Variants in AGR3 observed in about 807,000 individuals in gnomAD.
The protein encoded by AGR3 is anterior gradient 3, protein disulphide isomerase family member.
Under a neutral mutation model 24.5 loss-of-function variants are expected in AGR3, and 37 were observed. That is an observed-to-expected ratio of 1.51 (90% CI 1.16 to 1.99). The LOEUF (loss-of-function observed/expected upper bound fraction) is 1.99. Among genes scored for constraint, AGR3 ranks in the 30% most tolerant of loss-of-function variants. The pLI, the probability that AGR3 is intolerant of heterozygous loss-of-function variation, is 0.00. For synonymous variants in AGR3, 75 were observed against 61.6 expected (o/e 1.22, Z -1.02); for missense variants, 228 against 191.1 (o/e 1.19, Z -1.14).
At chr7:16,865,036 C>T (rs778047928) in intron 3 of AGR3, 5 of 819,498 alleles carry the variant, frequency 6.1e-6, no homozygotes, top group Non-Finnish European at 1.1e-5. Context: ...TGTTCATATT[C>T]TGATAAATGA....
chr7:16,869,991 A>G (rs6976837), intron 3 of AGR3, among the ~76,000 whole-genome samples: 28,651 of 151,734 alleles, frequency 0.19, 2,961 homozygotes, highest in Middle Eastern at 0.25. Context: ...ATTTATTGTG[A>G]TCATCTTAAA....
chr7:16,864,799 T>A, intron 3 of AGR3: 1 of 951,056 alleles, frequency 1.1e-6, no homozygotes, highest in Non-Finnish European at 1.7e-6. Flanking sequence ...TTTGTTGGAA[T>A]GTATCACACC....
At chr7:16,864,525 T>C in intron 3 of AGR3, 1 of 1,292,868 alleles carries the variant, frequency 7.7e-7, no homozygotes, top group Non-Finnish European at 1.1e-6. Context: ...CCATTTTCAG[T>C]CTTCCGAAGT....
At chr7:16,858,711 A>G (rs1323483804), downstream of AGR3, among the ~76,000 whole-genome samples, 1 of 151,972 alleles carries the variant, frequency 6.6e-6, no homozygotes, top group Non-Finnish European at 1.5e-5. Flanking sequence ...TCTCTATTAA[A>G]AATACAAAAA....
chr7:16,867,993 G>C (rs1311198675), intron 3 of AGR3, among the ~76,000 whole-genome samples: 1 of 152,200 alleles, frequency 6.6e-6, no homozygotes, highest in East Asian at 1.9e-4. Flanking sequence ...CAGTGTAAAA[G>C]GGTTCTCTTT....
intron 1 of AGR3, among the ~76,000 whole-genome samples, chr7:16,880,609 C>G (rs1437693648): frequency 6.8e-6 from 1 of 146,118 alleles, no homozygotes; most frequent in Non-Finnish European, 1.5e-5. Context: ...CCTGTCCTTT[C>G]TTTCCAGGCA....
rs1338962593 is a variant in AGR3 at position 16,859,477 on chromosome 7, T to C, written c.*105A>G. The C allele has an allele frequency of 4.1e-6, 3 of 723,226 alleles. No homozygotes were observed. The highest frequency in any genetic ancestry group is 2.9e-5 in the Admixed American group (1 of 34,324). The allele number at this position is 723,226 out of a possible 1,614,324, so 44.8% of individuals were successfully genotyped here. On this transcript the variant is annotated 3_prime_UTR_variant, in exon 8 of 8. Coordinates refer to ENST00000310398, the MANE Select transcript of AGR3 (RefSeq NM_176813.5). ...ACACATTAAAAAAACTAAATAGTAATATTACAAAATCTATATACTTGCACA... is the reference window on the plus strand; with the variant it reads ...ACACATTAAAAAAACTAAATAGTAACATTACAAAATCTATATACTTGCACA...
chr7:16,878,448 C>A (rs753586785), intron 2 of AGR3, 62 bp downstream of exon 2: 1 of 1,417,438 alleles, frequency 7.1e-7, no homozygotes, highest in South Asian at 1.2e-5. Flanking sequence ...AGTGAAGACA[C>A]CAGATATTTT....
intron 3 of AGR3, among the ~76,000 whole-genome samples, chr7:16,868,258 T>G (rs2428947): frequency 1.3e-5 from 2 of 151,994 alleles, no homozygotes; most frequent in African/African-American, 2.4e-5. Flanking sequence ...CAGGTTCAAG[T>G]GATTGTCCTG....
chr7:16,856,946 C>T (rs867007414), downstream of AGR3, among the ~76,000 whole-genome samples: 5 of 150,048 alleles, frequency 3.3e-5, no homozygotes, highest in South Asian at 2.1e-4. Context: ...AGAAGATGTG[C>T]GGTAGAAATA....
chr7:16,856,311 A>G (rs940472627), downstream of AGR3, among the ~76,000 whole-genome samples: 1 of 152,220 alleles, frequency 6.6e-6, no homozygotes, highest in African/African-American at 2.4e-5. Flanking sequence ...ATCTGAATAG[A>G]AATGTTGCTA....
At position 16,862,631 on chromosome 7, in the gene AGR3, C is replaced by T. The variant is rs1419894803; in HGVS notation, c.205G>A (p.Glu69Lys). ...KKPLMVIHHL[E>K]DCQYSQALKK... ...TTACCTTGAGAGTATTGACAATCCT[C>T]CAGGTGATGAATAACCATTAATGGC... The change falls in exon 4 of 8, where the codon GAG becomes AAG. Residue 69 changes from glutamate (E) to lysine (K), a missense_variant. Glu to Lys is a moderately conservative substitution (Grantham distance 56). Transcript: ENST00000310398. 6.5e-7 allele frequency: 1 copy of T among 1,539,048 alleles called. No homozygotes were observed. Among genetic ancestry groups the T allele is most frequent in the Non-Finnish European group, 8.7e-7 (1 of 1,149,934 alleles).
At chr7:16,876,525 C>G (rs1443480768) in intron 2 of AGR3, among the ~76,000 whole-genome samples, 3 of 151,948 alleles carry the variant, frequency 2.0e-5, no homozygotes, top group Non-Finnish European at 4.4e-5. Context: ...GCCCTGTGCT[C>G]TAAGGGGCTC....
chr7:16,870,896 GA>G (rs1156888865), intron 3 of AGR3, among the ~76,000 whole-genome samples: 1 of 151,992 alleles, frequency 6.6e-6, no homozygotes, highest in East Asian at 1.9e-4. Context: ...AGTTAATTTG[GA>G]ATCTTAATTT....
intron 7 of AGR3, 116 bp from the exon 8 acceptor site, chr7:16,859,747 A>T (rs1352105909): frequency 9.5e-6 from 6 of 634,102 alleles, no homozygotes; most frequent in Non-Finnish European, 1.6e-5. Flanking sequence ...TGAACATGGG[A>T]ATTCGTCTAT....
At chr7:16,878,759 G>T in intron 1 of AGR3, 114 bp from the exon 2 acceptor site, 1 of 701,532 alleles carries the variant, frequency 1.4e-6, no homozygotes, top group East Asian at 2.7e-5. Context: ...AGCTTTTTTG[G>T]TTTGACATGG....
At chr7:16,864,365 T>C (rs1781708150) in intron 3 of AGR3, 4 of 1,320,266 alleles carry the variant, frequency 3.0e-6, no homozygotes, top group Non-Finnish European at 4.4e-6. Context: ...TCACTGGCAC[T>C]ATTCTGACTC....
chr7:16,868,189 C>T (rs1781797801), intron 3 of AGR3, among the ~76,000 whole-genome samples: 1 of 151,244 alleles, frequency 6.6e-6, no homozygotes, highest in Non-Finnish European at 1.5e-5. Flanking sequence ...GAGTTTCGCT[C>T]TTGTTGCCCA....
chr7:16,874,771 G>A (rs1003031006), intron 2 of AGR3, among the ~76,000 whole-genome samples: 3 of 151,944 alleles, frequency 2.0e-5, no homozygotes, highest in East Asian at 3.9e-4. Context: ...GTTTTCTGGC[G>A]ACAGCTTTAT....
Sources: allele counts gnomAD v4.1 joint callset (sites outside exome capture counted in the v4.1 genomes callset), GRCh38; gene constraint gnomAD v4.1.1; transcripts MANE v1.5; gene names NCBI Gene and HGNC (gene_info 2026-07-23, HGNC 2026-07-21).